The following PTPRD variants were observed in gnomAD, a reference collection of about 807,000 sequenced individuals.
The protein encoded by PTPRD is protein tyrosine phosphatase receptor type D.
In PTPRD, 34 loss-of-function variants were observed where a neutral mutation model predicts 214.5. That is an observed-to-expected ratio of 0.16 (90% CI 0.12 to 0.21). The LOEUF is 0.21. Among genes scored for constraint, PTPRD ranks in the 10% least tolerant of loss-of-function variants. PTPRD has a pLI of 1.00. For synonymous variants in PTPRD, 1,128 were observed against 845.7 expected (o/e 1.33, Z -5.79); for missense variants, 2,545 against 2,398.7 (o/e 1.06, Z -1.27).
In PTPRD at chr9:10,522,503, G is replaced by C. The variant is rs146231997; in HGVS notation, c.-600+89895C>G. On this transcript the variant is annotated intron_variant, in intron 2 of 45. Coordinates refer to ENST00000381196, the MANE Select transcript of PTPRD (RefSeq NM_002839.4). ...ACTTTCTAAAGGAATAAACAAACCT[G>C]ATTACTTACCTATGTCAGAATGTTT... is the stretch of plus-strand genomic sequence containing the variant. Among the ~76,000 whole-genome samples the C allele has an allele frequency of 4.5e-3, 690 of 152,172 alleles. 9 individuals are homozygous for C. Among genetic ancestry groups the C allele is most frequent in the African/African-American group, 0.016 (655 of 41,534 alleles).
At chr9:9,876,744 CATAAA>C (rs139375798) in intron 5 of PTPRD, among the ~76,000 whole-genome samples, 2,602 of 152,200 alleles carry the variant, frequency 0.017, 72 homozygotes, top group African/African-American at 0.06. Flanking sequence ...CATGCAACAT[CATAAA>C]ATAACACTAT....
At chr9:9,845,214 A>C (rs931347912) in intron 5 of PTPRD, among the ~76,000 whole-genome samples, 2 of 141,108 alleles carry the variant, frequency 1.4e-5, no homozygotes, top group African/African-American at 5.1e-5. Context: ...ATATACTGCT[A>C]TATATATATA....
chr9:10,017,831 TC>T (rs970036118), intron 4 of PTPRD, among the ~76,000 whole-genome samples: 4 of 152,054 alleles, frequency 2.6e-5, no homozygotes, highest in African/African-American at 9.7e-5. Context: ...GATGAAACTT[TC>T]CCCAATTGAA....
chr9:8,638,692 C>T (rs1335951836), intron 12 of PTPRD, among the ~76,000 whole-genome samples: 4 of 152,020 alleles, frequency 2.6e-5, no homozygotes, highest in Non-Finnish European at 5.9e-5. Context: ...AACTGCGGGC[C>T]TGCTTATGTT....
At chr9:8,783,161 G>T (rs1022412962) in intron 11 of PTPRD, among the ~76,000 whole-genome samples, 2 of 152,040 alleles carry the variant, frequency 1.3e-5, no homozygotes, top group South Asian at 4.1e-4. Context: ...ACGAAGAACG[G>T]AAATTTTCAT....
intron 3 of PTPRD, among the ~76,000 whole-genome samples, chr9:10,298,347 C>A (rs750548399): frequency 2.0e-5 from 3 of 151,710 alleles, no homozygotes; most frequent in East Asian, 1.9e-4. Flanking sequence ...AACAAAGGAA[C>A]CTATTTGCCA....
chr9:9,975,714 T>C (rs2095327234), intron 4 of PTPRD, among the ~76,000 whole-genome samples: 1 of 152,186 alleles, frequency 6.6e-6, no homozygotes, highest in South Asian at 2.1e-4. Context: ...GAAAGGCTCC[T>C]GGAGGAGGCA....
At chr9:8,454,441 T>C (rs996840194) in intron 33 of PTPRD, 9 of 761,016 alleles carry the variant, frequency 1.2e-5, no homozygotes, top group East Asian at 2.7e-5. Context: ...ACTGTGTATA[T>C]GTAGGCTTTG....
At chr9:10,111,222 T>G (rs2098688171) in intron 3 of PTPRD, among the ~76,000 whole-genome samples, 2 of 146,996 alleles carry the variant, frequency 1.4e-5, no homozygotes, top group Non-Finnish European at 3.0e-5. Context: ...TGCTTCCAGT[T>G]TAGTTTCTTT....
At position 10,450,943 on chromosome 9, in the gene PTPRD, A is replaced by G. The variant is rs1181528082; in HGVS notation, c.-599-109926T>C. Among the ~76,000 whole-genome samples, 6 of 152,110 alleles carry G rather than the reference A, an allele frequency of 3.9e-5. No homozygotes were observed. The South Asian group carries it at 6.2e-4, about 16-fold the overall frequency. ...CACATTTGATTTATAAAAATCTCTA[A>G]GTACTCTGAGAAGTCAAAACCCATA... On this transcript the variant is annotated intron_variant, in intron 2 of 45. Transcript: ENST00000381196.
At chr9:9,428,164 A>T (rs193059958) in intron 8 of PTPRD, among the ~76,000 whole-genome samples, 20 of 152,268 alleles carry the variant, frequency 1.3e-4, no homozygotes, top group African/African-American at 4.6e-4. Context: ...TACTCAGGAG[A>T]TCCATCTCAC....
chr9:9,055,166 T>C (rs930501809), intron 10 of PTPRD, among the ~76,000 whole-genome samples: 8 of 152,276 alleles, frequency 5.3e-5, no homozygotes, highest in Admixed American at 2.6e-4. Flanking sequence ...AACCCTCATA[T>C]GATATACAAG....
At chr9:8,725,494 T>C (rs1194459385) in intron 12 of PTPRD, among the ~76,000 whole-genome samples, 3 of 152,112 alleles carry the variant, frequency 2.0e-5, no homozygotes, top group Non-Finnish European at 4.4e-5. Flanking sequence ...TATATAAATA[T>C]ACATATTTAC....
chr9:9,043,740 C>T (rs912895660), intron 10 of PTPRD, among the ~76,000 whole-genome samples: 1 of 151,764 alleles, frequency 6.6e-6, no homozygotes, highest in Non-Finnish European at 1.5e-5. Flanking sequence ...CCTGACTCTA[C>T]TAAGAATTCA....
In PTPRD at chr9:10,164,720, T is replaced by C. The variant is rs193127037; in HGVS notation, c.-544-130930A>G. ...TCAAATAGAAGTACACAAAAGAGTA[T>C]ATTTTATTCAAATATATATACACAC... On this transcript the variant is annotated intron_variant, in intron 3 of 45. Transcript: ENST00000381196. Among the ~76,000 whole-genome samples, 6 of 151,788 alleles carry C rather than the reference T, an allele frequency of 4.0e-5. No individual in the cohort carries two copies. The East Asian group carries it at 9.7e-4, about 24-fold the overall frequency.
rs1458013690 is a variant in PTPRD at position 8,351,775 on chromosome 9, TAG to T, written c.4662-9799_4662-9798del. ...AAAAAAAAAAAAAAAAAAAAAAATCTAGAGTTAGGGAGATGACCCAGAGCCAT... is the reference window on the plus strand; with the variant it reads ...AAAAAAAAAAAAAAAAAAAAAAATCTAGTTAGGGAGATGACCCAGAGCCAT... On this transcript the variant is annotated intron_variant, in intron 39 of 45. Transcript: ENST00000381196. 1.6e-3 allele frequency among the ~76,000 whole-genome samples: 198 copies of T among 126,934 alleles called. 1 individual carries two copies. Among genetic ancestry groups the T allele is most frequent in the African/African-American group, 6.3e-3 (193 of 30,782 alleles). The allele number at this position is 126,934 out of a possible 152,430, so 83.3% of individuals were successfully genotyped here.
intron 2 of PTPRD, among the ~76,000 whole-genome samples, chr9:10,484,672 G>C (rs1258300555): frequency 6.6e-6 from 1 of 151,800 alleles, no homozygotes; most frequent in Non-Finnish European, 1.5e-5. Flanking sequence ...GTCTGCCATT[G>C]AGAAATATCT....
At chr9:9,915,683 A>G (rs1245090866) in intron 5 of PTPRD, among the ~76,000 whole-genome samples, 1 of 151,928 alleles carries the variant, frequency 6.6e-6, no homozygotes, top group Non-Finnish European at 1.5e-5. Context: ...TAAATGAACC[A>G]GGAAAAAAAA....
chr9:8,471,547 A>G (rs1236713536), intron 30 of PTPRD, among the ~76,000 whole-genome samples: 1 of 152,196 alleles, frequency 6.6e-6, no homozygotes, highest in Non-Finnish European at 1.5e-5. Context: ...TACAAACCTA[A>G]AATGCTTTTT....
Sources: gnomAD v4.1 joint callset for allele counts (sites outside exome capture counted in the v4.1 genomes callset) on GRCh38, gnomAD v4.1.1 for gene constraint, MANE v1.5 for transcripts, NCBI Gene and HGNC (gene_info 2026-07-23, HGNC 2026-07-21) for gene names.